The following DCDC1 variants were observed in gnomAD, a reference collection of about 807,000 sequenced individuals.
DCDC1 encodes the protein doublecortin domain containing 1.
DCDC1 carries 200 observed loss-of-function variants against 178.3 expected under a neutral mutation model. The ratio of observed to expected loss-of-function variants is 1.12; its 90% CI spans 1.00 to 1.26. The LOEUF is 1.26. Ranked by LOEUF, DCDC1 falls within the 50% of genes most tolerant of loss-of-function variation. The probability of loss-of-function intolerance (pLI) is 0.00; values close to 1 mark genes in which losing one functional copy is unlikely to be tolerated. For synonymous variants in DCDC1, 690 were observed against 604.8 expected (o/e 1.14, Z -2.07); for missense variants, 1,983 against 1,749.2 (o/e 1.13, Z -2.38).
chr11:31,167,651 C>T (rs1244367027), intron 9 of DCDC1, among the ~76,000 whole-genome samples: 2 of 152,152 alleles, frequency 1.3e-5, no homozygotes, highest in Non-Finnish European at 2.9e-5. Flanking sequence ...TTCTATAGAG[C>T]ACTGACCACA....
intron 23 of DCDC1, among the ~76,000 whole-genome samples, chr11:30,923,872 C>T (rs997578714): frequency 6.6e-6 from 1 of 152,128 alleles, no homozygotes; most frequent in Admixed American, 6.5e-5. Flanking sequence ...CCACCTCGGC[C>T]TCCCAAAGTG....
At chr11:31,357,132 C>A (rs1369369370) in intron 1 of DCDC1, among the ~76,000 whole-genome samples, 3 of 151,676 alleles carry the variant, frequency 2.0e-5, no homozygotes, top group African/African-American at 7.3e-5. Flanking sequence ...GAGACACAAC[C>A]AAAAAAGAGA....
intron 2 of DCDC1, 142 bp from the exon 3 acceptor site, chr11:31,328,428 G>C: frequency 1.3e-6 from 1 of 753,690 alleles, no homozygotes; most frequent in Non-Finnish European, 1.9e-6. Flanking sequence ...AATTCCCTTA[G>C]TAATTAACAG....
At chr11:31,115,504 G>A (rs1398907188) in intron 11 of DCDC1, among the ~76,000 whole-genome samples, 1 of 152,148 alleles carries the variant, frequency 6.6e-6, no homozygotes, top group East Asian at 1.9e-4. Flanking sequence ...ACCGCAGTGT[G>A]TTGCCAAAGT....
At chr11:31,241,692 A>G (rs535956717) in intron 8 of DCDC1, 76 bp from the exon 9 acceptor site, 8 of 393,726 alleles carry the variant, frequency 2.0e-5, no homozygotes, top group African/African-American at 6.2e-5. Flanking sequence ...CACAGCCCCA[A>G]TACCAGAGCT....
intron 9 of DCDC1, among the ~76,000 whole-genome samples, chr11:31,156,659 A>G (rs192982417): frequency 1.3e-5 from 2 of 152,190 alleles, no homozygotes; most frequent in African/African-American, 4.8e-5. Flanking sequence ...ACATGTCTTA[A>G]TTTGGACTAG....
At chr11:30,988,994 A>G (rs1179514375) in intron 20 of DCDC1, among the ~76,000 whole-genome samples, 2 of 152,226 alleles carry the variant, frequency 1.3e-5, no homozygotes, top group Non-Finnish European at 2.9e-5. Flanking sequence ...CTGGAGCTAC[A>G]GATTTGGGAA....
At chr11:30,970,017 G>A (rs1317163101) in intron 20 of DCDC1, among the ~76,000 whole-genome samples, 2 of 152,126 alleles carry the variant, frequency 1.3e-5, no homozygotes, top group Non-Finnish European at 2.9e-5. Context: ...CAACAGAGAA[G>A]TAACAGAAAA....
chr11:31,296,172 C>T (rs766021008), intron 6 of DCDC1, among the ~76,000 whole-genome samples: 1 of 152,148 alleles, frequency 6.6e-6, no homozygotes, highest in Non-Finnish European at 1.5e-5. Flanking sequence ...ATCCTATGTG[C>T]CAGATTCTGT....
At chr11:30,989,002 G>A (rs111491092) in intron 20 of DCDC1, among the ~76,000 whole-genome samples, 18 of 152,280 alleles carry the variant, frequency 1.2e-4, no homozygotes, top group Admixed American at 6.5e-5. Context: ...ACAGATTTGG[G>A]AATCACTGAT....
intron 7 of DCDC1, among the ~76,000 whole-genome samples, chr11:31,265,982 T>C (rs962468928): frequency 2.0e-5 from 3 of 151,106 alleles, no homozygotes; most frequent in Non-Finnish European, 4.4e-5. Context: ...TCTGAGGGAT[T>C]TTTATCTTAG....
At chr11:30,896,044 C>T (rs759132633) in intron 34 of DCDC1, among the ~76,000 whole-genome samples, 8 of 152,024 alleles carry the variant, frequency 5.3e-5, no homozygotes, top group Admixed American at 2.0e-4. Context: ...TTGCTTCTAA[C>T]GGTCTTAAGA....
In DCDC1 at chr11:31,221,455, G is replaced by A. The variant is rs1254209504; in HGVS notation, c.1221+19995C>T. Among the ~76,000 whole-genome samples, 4 of 152,150 alleles carry A rather than the reference G, an allele frequency of 2.6e-5. No homozygotes were observed. In the East Asian group the frequency reaches 5.8e-4, roughly 22 times the overall value. ...CTATTAGATCTTAATAATCTTCTTT[G>A]ATTCAATACTCTGCCTTCCAGGCCC... On this transcript the variant is annotated intron_variant, in intron 9 of 38. Coordinates refer to ENST00000684477, the MANE Select transcript of DCDC1 (RefSeq NM_001387274.1).
intron 9 of DCDC1, among the ~76,000 whole-genome samples, chr11:31,236,203 T>A (rs1010994309): frequency 6.6e-6 from 1 of 152,004 alleles, no homozygotes; most frequent in African/African-American, 2.4e-5. Context: ...CCACTGTCAC[T>A]TCCCCCCTCT....
chr11:31,330,440 G>A (rs1949910473), intron 2 of DCDC1, among the ~76,000 whole-genome samples: 2 of 152,158 alleles, frequency 1.3e-5, no homozygotes, highest in Non-Finnish European at 2.9e-5. Context: ...TGTTGCCATT[G>A]CTTTTGGTGT....
intron 21 of DCDC1, among the ~76,000 whole-genome samples, chr11:30,936,456 T>C (rs1199355551): frequency 6.6e-6 from 1 of 152,176 alleles, no homozygotes; most frequent in Non-Finnish European, 1.5e-5. Flanking sequence ...TGATAATCCC[T>C]TCTAATTTGT....
At chr11:31,256,459 G>A (rs1019388642) in intron 8 of DCDC1, among the ~76,000 whole-genome samples, 4 of 152,156 alleles carry the variant, frequency 2.6e-5, no homozygotes, top group African/African-American at 9.7e-5. Flanking sequence ...TCAGGAAAGT[G>A]CTATACTTAT....
intron 20 of DCDC1, among the ~76,000 whole-genome samples, chr11:30,993,429 GA>G (rs1352066861): frequency 6.6e-6 from 1 of 151,906 alleles, no homozygotes. Flanking sequence ...TAGAGAAAGA[GA>G]AGCAAATTAA....
chr11:31,283,971 CCTCTCT>C (rs35150053), intron 7 of DCDC1, among the ~76,000 whole-genome samples: 2 of 148,464 alleles, frequency 1.3e-5, no homozygotes, highest in African/African-American at 5.0e-5. Context: ...TCTTTCCCTC[CCTCTCT>C]CTCTCTCTCT....
Sources: allele counts gnomAD v4.1 joint callset (sites outside exome capture counted in the v4.1 genomes callset), GRCh38; gene constraint gnomAD v4.1.1; transcripts MANE v1.5; gene names NCBI Gene and HGNC (gene_info 2026-07-23, HGNC 2026-07-21).